Variants in POPDC1 observed in about 807,000 individuals in gnomAD.
POPDC1 encodes popeye domain cAMP effector 1, also known as popeye domain-containing protein 1.
the POPDC1 span, chr6:105,129,378 C>T: frequency 6.2e-7 from 1 of 1,601,222 alleles, no homozygotes; most frequent in Non-Finnish European, 8.5e-7. Context: ...TTAATAATTA[C>T]CGGTCTCTTC....
the POPDC1 span, chr6:105,136,624 C>G: frequency 1.8e-4 from 28 of 152,534 alleles, no homozygotes. Flanking sequence ...GCGCGGGAGC[C>G]GGCACTCGGT....
the POPDC1 span, chr6:105,101,229 G>A: frequency 6.3e-7 from 1 of 1,597,080 alleles, no homozygotes; most frequent in Non-Finnish European, 8.5e-7. Flanking sequence ...GAAAGATACA[G>A]GAGGGAAAAC....
the POPDC1 span, among the ~76,000 whole-genome samples, chr6:105,109,763 C>CAAAAAAAAAAAAAAAAAAA: frequency 3.9e-3 from 90 of 22,848 alleles, 24 homozygotes; most frequent in South Asian, 7.1e-3. Context: ...GACCCTTTCT[C>CAAAAAAAAAAAAAAAAAAA]AAAAAAAAAA....
the POPDC1 span, chr6:105,100,254 A>G: frequency 6.6e-6 from 1 of 152,206 alleles, no homozygotes; most frequent in African/African-American, 2.4e-5. Flanking sequence ...TCACGCCTGT[A>G]ATCCCAGCAC....
the POPDC1 span, chr6:105,133,557 G>A: frequency 1.2e-6 from 2 of 1,611,078 alleles, no homozygotes; most frequent in Non-Finnish European, 1.7e-6. Flanking sequence ...CTCTCAATGG[G>A]CTGGACTCTG....
At chr6:105,105,340 G>A in the POPDC1 span, among the ~76,000 whole-genome samples, 1 of 152,192 alleles carries the variant, frequency 6.6e-6, no homozygotes, top group Non-Finnish European at 1.5e-5. Context: ...GAATCACGGA[G>A]AGTGTCCACT....
chr6:105,125,529 G>A, the POPDC1 span: 1 of 1,614,062 alleles, frequency 6.2e-7, no homozygotes, highest in South Asian at 1.1e-5. Context: ...CACACGGAGT[G>A]GTTCAAACAA....
the POPDC1 span, among the ~76,000 whole-genome samples, chr6:105,102,833 T>C: frequency 1.3e-5 from 2 of 152,138 alleles, no homozygotes; most frequent in Non-Finnish European, 2.9e-5. Context: ...CATAAAAAAA[T>C]ATGCAGGGCT....
chr6:105,115,872 A>T, the POPDC1 span: 1 of 1,598,904 alleles, frequency 6.3e-7, no homozygotes. Context: ...TGGGAGTTGA[A>T]TCATACATTC....
At chr6:105,124,621 T>C in the POPDC1 span, 370 of 1,612,334 alleles carry the variant, frequency 2.3e-4, 3 homozygotes, top group Middle Eastern at 2.0e-3. Context: ...GGGTAAATGT[T>C]ATGCAGAAAA....
chr6:105,096,906 C>T, the POPDC1 span: 1 of 152,602 alleles, frequency 6.6e-6, no homozygotes, highest in African/African-American at 2.4e-5. Context: ...CAAAAAGCAT[C>T]TTTTTATAAA....
chr6:105,104,332 A>AT, the POPDC1 span, among the ~76,000 whole-genome samples: 1 of 152,068 alleles, frequency 6.6e-6, no homozygotes, highest in Non-Finnish European at 1.5e-5. Flanking sequence ...TGGTTATAGC[A>AT]TTTGCATCTC....
the POPDC1 span, among the ~76,000 whole-genome samples, chr6:105,115,463 AT>A: frequency 6.6e-6 from 1 of 152,246 alleles, no homozygotes; most frequent in South Asian, 2.1e-4. Context: ...CCAGTGAACA[AT>A]TTCAATTTCT....
the POPDC1 span, among the ~76,000 whole-genome samples, chr6:105,105,728 G>T: frequency 2.2e-5 from 2 of 90,590 alleles, no homozygotes; most frequent in Admixed American, 3.0e-4. Flanking sequence ...CTACAGGTTT[G>T]CCTGGTTTTT....
the POPDC1 span, among the ~76,000 whole-genome samples, chr6:105,111,850 A>C: frequency 6.6e-6 from 1 of 152,218 alleles, no homozygotes; most frequent in African/African-American, 2.4e-5. Flanking sequence ...TGTTTCACTG[A>C]ACATTTGCTG....
At chr6:105,129,800 C>T in the POPDC1 span, among the ~76,000 whole-genome samples, 1 of 152,112 alleles carries the variant, frequency 6.6e-6, no homozygotes, top group East Asian at 1.9e-4. Flanking sequence ...CAAAACACTG[C>T]AAGATTTCAT....
At chr6:105,114,166 C>G in the POPDC1 span, among the ~76,000 whole-genome samples, 2 of 152,184 alleles carry the variant, frequency 1.3e-5, no homozygotes, top group South Asian at 2.1e-4. Context: ...TCATAACTTA[C>G]TATTCTTTGT....
chr6:105,118,103 CG>C, the POPDC1 span, among the ~76,000 whole-genome samples: 2 of 152,132 alleles, frequency 1.3e-5, no homozygotes, highest in African/African-American at 4.8e-5. Context: ...ACACAAATAC[CG>C]CAGTAGGCAA....
the POPDC1 span, among the ~76,000 whole-genome samples, chr6:105,118,080 A>G: frequency 6.6e-6 from 1 of 152,174 alleles, no homozygotes; most frequent in Admixed American, 6.5e-5. Context: ...AAAAACAAAA[A>G]CAAAACAAAT....
Sources: allele counts gnomAD v4.1 joint callset (sites outside exome capture counted in the v4.1 genomes callset), GRCh38; gene constraint gnomAD v4.1.1; transcripts MANE v1.5; gene names NCBI Gene and HGNC (gene_info 2026-07-23, HGNC 2026-07-21).